UNC80: variants seen among roughly 807,000 people sequenced by gnomAD.
UNC80 encodes the protein protein unc-80 homolog.
A neutral mutation model predicts 384.6 loss-of-function variants in UNC80; 164 were observed. That is an observed-to-expected ratio of 0.43 (90% CI 0.38 to 0.49). The LOEUF (loss-of-function observed/expected upper bound fraction) is 0.49. UNC80 is among the 20% of genes least tolerant of loss of function. The pLI is 0.00. For missense variants in UNC80, 3,330 were observed against 4,143.0 expected (o/e 0.80, Z 5.39); for synonymous variants, 1,486 against 1,527.8 (o/e 0.97, Z 0.64).
intron 47 of UNC80, among the ~76,000 whole-genome samples, chr2:209,953,839 T>A (rs2124994060): frequency 6.6e-6 from 1 of 152,348 alleles, no homozygotes; most frequent in Non-Finnish European, 1.5e-5. Context: ...CAACCATTTA[T>A]TTGTATATAT....
chr2:209,849,476 C>G lies in UNC80; in HGVS notation c.3480C>G (p.Leu1160=). 2 of 1,550,972 alleles carry G rather than the reference C, an allele frequency of 1.3e-6. No individual in the cohort carries two copies. The highest frequency in any genetic ancestry group is 1.2e-5 in the South Asian group (1 of 84,046). The stretch of plus-strand genomic sequence containing the variant: ...GTTGCCACAGTTTTGATGATCATCT[C>G]TCTCCCAACCAAGATGGTGGAAAAA... ...RLGCHSFDDH[L]SPNQDGGKSK... The change falls in exon 22 of 65, where the codon CTC becomes CTG. Residue 1160 remains leucine, a synonymous_variant. Transcript: ENST00000673920.
intron 34 of UNC80, 21 bp from the exon 35 acceptor site, chr2:209,922,231 A>G: frequency 1.3e-6 from 2 of 1,551,724 alleles, no homozygotes; most frequent in South Asian, 1.2e-5. Flanking sequence ...CAAAGTTCAC[A>G]TTCCCCATTT....
In UNC80 at chr2:209,958,258, G is replaced by A. The variant is rs187752939; in HGVS notation, c.7550+522G>A. The stretch of plus-strand genomic sequence containing the variant: ...GGCTATACTAGTTAATATTTTACCC[G>A]TTTCATTCCATCTGTGTTAGCTTTA... On this transcript the variant is annotated intron_variant, in intron 49 of 64. Transcript: ENST00000673920. Among the ~76,000 whole-genome samples the A allele has an allele frequency of 7.8e-4, 118 of 152,134 alleles. 1 individual carries two copies. Among genetic ancestry groups the A allele is most frequent in the African/African-American group, 2.4e-3 (100 of 41,482 alleles).
chr2:209,849,051 A>C (rs1367348407), intron 21 of UNC80, among the ~76,000 whole-genome samples: 4 of 152,142 alleles, frequency 2.6e-5, no homozygotes, highest in Non-Finnish European at 4.4e-5. Context: ...ACAATGCTGT[A>C]CCAATGCTGT....
At chr2:209,819,296 C>T in intron 12 of UNC80, 35 bp downstream of exon 12, 1 of 1,523,512 alleles carries the variant, frequency 6.6e-7, no homozygotes, top group Non-Finnish European at 8.8e-7. Flanking sequence ...CAAAGTTAGA[C>T]AGATATTAAT....
chr2:209,933,140 C>A (rs1263106083), intron 38 of UNC80, among the ~76,000 whole-genome samples: 2 of 152,150 alleles, frequency 1.3e-5, no homozygotes, highest in East Asian at 3.9e-4. Context: ...ATAGTCAGTC[C>A]TCATCTTATT....
At position 209,992,273 on chromosome 2, in the gene UNC80, G is replaced by T. The variant is rs1326753137; in HGVS notation, c.9396+26G>T. 4 of 1,542,806 alleles carry T rather than the reference G, an allele frequency of 2.6e-6. No homozygotes were observed. In the East Asian group the frequency reaches 9.8e-5, roughly 38 times the overall value. Reference sequence around the variant, plus strand: ...GTAAGTAGACCCTTAAAGCGCAAGAGAACCATCCTACGAATTGGAAGCTCT... The same window carrying T: ...GTAAGTAGACCCTTAAAGCGCAAGATAACCATCCTACGAATTGGAAGCTCT... On this transcript the variant is annotated intron_variant, in intron 62 of 64. Transcript: ENST00000673920.
chr2:209,905,030 C>T (rs1358623036), intron 29 of UNC80, 65 bp downstream of exon 29: 16 of 1,512,028 alleles, frequency 1.1e-5, no homozygotes, highest in Non-Finnish European at 1.4e-5. Context: ...AATTTCTTCT[C>T]TGGAAATAAG....
chr2:209,809,303 T>A (rs998113853), intron 7 of UNC80: 2 of 759,116 alleles, frequency 2.6e-6, no homozygotes, highest in Admixed American at 1.8e-5. Flanking sequence ...AAGAAACACA[T>A]CCGAAGCCAC....
At chr2:209,781,058 AG>A (rs1242503487) in intron 4 of UNC80, among the ~76,000 whole-genome samples, 3 of 152,152 alleles carry the variant, frequency 2.0e-5, no homozygotes, top group African/African-American at 7.2e-5. Context: ...GTTCCCACTC[AG>A]CACTTAGTGT....
intron 5 of UNC80, among the ~76,000 whole-genome samples, chr2:209,788,284 C>T (rs1046140802): frequency 3.3e-5 from 5 of 151,818 alleles, no homozygotes; most frequent in African/African-American, 7.3e-5. Context: ...GGCTTGGTAG[C>T]GCATGCCTAT....
intron 22 of UNC80, among the ~76,000 whole-genome samples, chr2:209,861,033 C>T (rs1000400865): frequency 6.6e-6 from 1 of 152,078 alleles, no homozygotes; most frequent in African/African-American, 2.4e-5. Context: ...ATTTTAATAC[C>T]CCTTATTTCT....
At chr2:209,822,743 T>C (rs2080231557) in intron 13 of UNC80, among the ~76,000 whole-genome samples, 2 of 152,160 alleles carry the variant, frequency 1.3e-5, no homozygotes, top group African/African-American at 4.8e-5. Flanking sequence ...TTTAACCACA[T>C]TTTTATTGAA....
chr2:209,867,971 A>G (rs1278760485), intron 22 of UNC80, among the ~76,000 whole-genome samples: 2 of 152,246 alleles, frequency 1.3e-5, no homozygotes, highest in African/African-American at 4.8e-5. Context: ...TACCCAAAAT[A>G]TTAGCATGAT....
At chr2:209,901,701 C>T (rs538187097) in intron 28 of UNC80, among the ~76,000 whole-genome samples, 84 of 152,140 alleles carry the variant, frequency 5.5e-4, no homozygotes, top group African/African-American at 1.8e-3. Flanking sequence ...CCGAGACAGG[C>T]GGATCACGAG....
intron 28 of UNC80, among the ~76,000 whole-genome samples, chr2:209,899,787 C>T (rs1472158913): frequency 6.6e-6 from 1 of 152,196 alleles, no homozygotes; most frequent in Non-Finnish European, 1.5e-5. Flanking sequence ...AAAGTCTCTA[C>T]TCTGTTTGTC....
At chr2:209,961,786 C>G (rs562959706) in intron 51 of UNC80, among the ~76,000 whole-genome samples, 1 of 152,106 alleles carries the variant, frequency 6.6e-6, no homozygotes, top group African/African-American at 2.4e-5. Flanking sequence ...GAAAATTTCC[C>G]CTTCACTCTC....
chr2:209,789,901 TAA>T (rs1282345973), intron 6 of UNC80, among the ~76,000 whole-genome samples: 1 of 152,162 alleles, frequency 6.6e-6, no homozygotes, highest in Non-Finnish European at 1.5e-5. Context: ...TAACACTCAA[TAA>T]GTGTTAGTTA....
intron 49 of UNC80, among the ~76,000 whole-genome samples, chr2:209,958,890 C>G (rs918665117): frequency 6.6e-6 from 1 of 152,038 alleles, no homozygotes; most frequent in African/African-American, 2.4e-5. Context: ...TCGTCTTTAC[C>G]CAAATCACGC....
Sources: gnomAD v4.1 joint callset for allele counts (sites outside exome capture counted in the v4.1 genomes callset) on GRCh38, gnomAD v4.1.1 for gene constraint, MANE v1.5 for transcripts, NCBI Gene and HGNC (gene_info 2026-07-23, HGNC 2026-07-21) for gene names.